RANBP2: variants seen among roughly 807,000 people sequenced by gnomAD.
RANBP2 encodes E3 SUMO-protein ligase RanBP2.
RANBP2 carries 57 observed loss-of-function variants against 303.6 expected under a neutral mutation model. The ratio of observed to expected loss-of-function variants is 0.19; its 90% CI spans 0.15 to 0.23. The LOEUF (loss-of-function observed/expected upper bound fraction) is 0.23. RANBP2 is among the 10% of genes least tolerant of loss of function. The pLI is 1.00. For missense variants in RANBP2, 3,138 were observed against 3,780.8 expected (o/e 0.83, Z 4.46); for synonymous variants, 1,167 against 1,301.5 (o/e 0.90, Z 2.23).
At chr2:109,689,765 C>T in the RANBP2 span, among the ~76,000 whole-genome samples, 1 of 152,082 alleles carries the variant, frequency 6.6e-6, no homozygotes, top group Non-Finnish European at 1.5e-5. Flanking sequence ...GAAATTTCAT[C>T]CATATGGGTT....
chr2:108,869,051 A>AT, the RANBP2 span, among the ~76,000 whole-genome samples: 4 of 151,480 alleles, frequency 2.6e-5, no homozygotes, highest in Non-Finnish European at 5.9e-5. Flanking sequence ...CTTGAAGAAA[A>AT]TTTTTTTTTC....
the RANBP2 span, among the ~76,000 whole-genome samples, chr2:109,552,114 T>C: frequency 6.6e-6 from 1 of 152,200 alleles, no homozygotes. Flanking sequence ...ACTGTGCATG[T>C]GAGGGATCTT....
At chr2:109,080,374 G>A in the RANBP2 span, among the ~76,000 whole-genome samples, 1 of 152,154 alleles carries the variant, frequency 6.6e-6, no homozygotes, top group African/African-American at 2.4e-5. Context: ...CAGAAGGACT[G>A]GAAGGTGCTG....
At chr2:108,760,516 G>C (rs1197452942) in intron 18 of RANBP2, among the ~76,000 whole-genome samples, 7 of 152,126 alleles carry the variant, frequency 4.6e-5, no homozygotes, top group African/African-American at 1.7e-4. Context: ...AGGGTATTCA[G>C]AATATTCAGT....
chr2:108,917,224 G>A, the RANBP2 span, among the ~76,000 whole-genome samples: 13 of 152,288 alleles, frequency 8.5e-5, no homozygotes, highest in East Asian at 1.2e-3. Flanking sequence ...CGCGCGGCTC[G>A]TGTGGAAGCC....
At chr2:109,203,374 G>A in the RANBP2 span, among the ~76,000 whole-genome samples, 2 of 152,334 alleles carry the variant, frequency 1.3e-5, no homozygotes, top group Non-Finnish European at 1.5e-5. Flanking sequence ...GTTGTGAGAC[G>A]GATGGCCTTG....
the RANBP2 span, among the ~76,000 whole-genome samples, chr2:109,762,988 T>A: frequency 2.1e-5 from 3 of 146,266 alleles, no homozygotes; most frequent in African/African-American, 7.6e-5. Flanking sequence ...TTACGTAAAT[T>A]TTTAAGTTTA....
chr2:109,178,748 G>A, the RANBP2 span, among the ~76,000 whole-genome samples: 1 of 152,298 alleles, frequency 6.6e-6, no homozygotes, highest in Middle Eastern at 3.4e-3. Flanking sequence ...GTGTCGTGTA[G>A]TTCTGGAAAC....
chr2:109,388,689 A>C, the RANBP2 span, among the ~76,000 whole-genome samples: 1 of 152,234 alleles, frequency 6.6e-6, no homozygotes, highest in African/African-American at 2.4e-5. Context: ...CCAGCACTAA[A>C]CATTTGAAGC....
chr2:109,227,578 C>T, the RANBP2 span, among the ~76,000 whole-genome samples: 1 of 152,182 alleles, frequency 6.6e-6, no homozygotes, highest in African/African-American at 2.4e-5. Context: ...CTGGGAGATC[C>T]CTGGCTCTTG....
At chr2:109,102,935 G>A in the RANBP2 span, among the ~76,000 whole-genome samples, 3 of 152,178 alleles carry the variant, frequency 2.0e-5, no homozygotes, top group Non-Finnish European at 4.4e-5. Flanking sequence ...TGGGTGAGAG[G>A]AGCGGATTGC....
chr2:109,771,534 G>T, the RANBP2 span, among the ~76,000 whole-genome samples: 1 of 68,956 alleles, frequency 1.5e-5, no homozygotes, highest in Non-Finnish European at 2.5e-5. Flanking sequence ...ATTGAAGGTA[G>T]TTCCTTCCCC....
At chr2:108,818,867 T>G in the RANBP2 span, among the ~76,000 whole-genome samples, 8 of 152,030 alleles carry the variant, frequency 5.3e-5, no homozygotes, top group African/African-American at 1.9e-4. Flanking sequence ...TACTTAAGGA[T>G]GGATTTAATA....
the RANBP2 span, chr2:109,127,386 C>T: frequency 6.6e-6 from 1 of 152,298 alleles, no homozygotes; most frequent in South Asian, 2.1e-4. Context: ...CTGCCCTAGG[C>T]ACTAAGGATA....
the RANBP2 span, among the ~76,000 whole-genome samples, chr2:108,824,276 A>G: frequency 6.6e-6 from 1 of 152,196 alleles, no homozygotes; most frequent in South Asian, 2.1e-4. Flanking sequence ...CACTTCATTT[A>G]AAACATAAAT....
the RANBP2 span, among the ~76,000 whole-genome samples, chr2:108,826,201 C>T: frequency 1.0e-3 from 155 of 152,206 alleles, no homozygotes; most frequent in African/African-American, 3.5e-3. Flanking sequence ...TTTCTCCATT[C>T]AGTAGTTGTC....
chr2:109,327,599 C>T, the RANBP2 span, among the ~76,000 whole-genome samples: 1 of 152,178 alleles, frequency 6.6e-6, no homozygotes, highest in Non-Finnish European at 1.5e-5. Flanking sequence ...AGTCCTCTTA[C>T]TCAAGAACAT....
At chr2:109,439,505 G>A in the RANBP2 span, among the ~76,000 whole-genome samples, 2 of 152,160 alleles carry the variant, frequency 1.3e-5, no homozygotes, top group African/African-American at 4.8e-5. Flanking sequence ...CCCCAACCCC[G>A]ATGGGTGGGA....
chr2:108,765,886 G>C lies in RANBP2; in HGVS notation c.5347G>C (p.Gly1783Arg). The change falls in exon 20 of 29, where the codon GGA becomes CGA. Residue 1783 changes from glycine (G) to arginine (R), a missense_variant. Coordinates refer to ENST00000283195, the MANE Select transcript of RANBP2 (RefSeq NM_006267.5). ...SGFEGMFIRK[G>R]QWDCSVCCVQ... ...ATTTGAAGGAATGTTCATCAGGAAA[G>C]GACAGTGGGATTGTAGTGTTTGCTG... The C allele has an allele frequency of 2.5e-6, 4 of 1,614,168 alleles. No individual in the cohort carries two copies. The highest frequency in any genetic ancestry group is 3.4e-6 in the Non-Finnish European group (4 of 1,179,990).
Sources: allele counts gnomAD v4.1 joint callset (sites outside exome capture counted in the v4.1 genomes callset), GRCh38; gene constraint gnomAD v4.1.1; transcripts MANE v1.5; gene names NCBI Gene and HGNC (gene_info 2026-07-23, HGNC 2026-07-21).